Variants in RASSF8 observed in about 807,000 individuals in gnomAD.
RASSF8 encodes the protein ras association domain-containing protein 8.
In RASSF8, 22 loss-of-function variants were observed where a neutral mutation model predicts 48.5. The observed-to-expected ratio is 0.45, with a 90% CI of 0.32 to 0.65. The LOEUF (loss-of-function observed/expected upper bound fraction) is 0.65, where lower values mean the gene tolerates loss of function less well. Among genes scored for constraint, RASSF8 ranks in the 30% least tolerant of loss-of-function variants. The pLI, the probability that RASSF8 is intolerant of heterozygous loss-of-function variation, is 0.03. For synonymous variants in RASSF8, 127 were observed against 171.5 expected, an observed-to-expected ratio of 0.74 and a Z score of 2.03; for missense variants, 418 against 489.2, an observed-to-expected ratio of 0.85 and a Z score of 1.37.
intron 1 of RASSF8, among the ~76,000 whole-genome samples, chr12:25,982,389 A>T (rs535961328): frequency 6.6e-6 from 1 of 152,356 alleles, no homozygotes; most frequent in Non-Finnish European, 1.5e-5. Context: ...GTTTTAGTTG[A>T]ACAGAAGCTC....
At chr12:25,983,984 A>T (rs759646041) in intron 1 of RASSF8, among the ~76,000 whole-genome samples, 17 of 152,244 alleles carry the variant, frequency 1.1e-4, no homozygotes, top group Non-Finnish European at 1.9e-4. Context: ...GATTTTATGT[A>T]GTATGATTCC....
intron 1 of RASSF8, among the ~76,000 whole-genome samples, chr12:25,994,276 TTTAAA>T (rs938687107): frequency 7.1e-4 from 22 of 30,940 alleles, no homozygotes; most frequent in African/African-American, 1.6e-3. Context: ...TGGATAGATT[TTTAAA>T]AAAAAAAAAA....
intron 2 of RASSF8, among the ~76,000 whole-genome samples, chr12:26,003,905 G>A (rs138801502): frequency 1.4e-4 from 22 of 152,198 alleles, no homozygotes; most frequent in East Asian, 5.8e-4. Flanking sequence ...GGCCAGGTGC[G>A]GTGGCTCATG....
intron 3 of RASSF8, among the ~76,000 whole-genome samples, chr12:26,060,754 A>G (rs980313900): frequency 4.6e-5 from 7 of 152,204 alleles, no homozygotes; most frequent in Non-Finnish European, 1.0e-4. Flanking sequence ...ATAGCTCAAG[A>G]AGCAAAATAT....
Position 26,070,154 on chromosome 12 carries a change from A to C in RASSF8, c.*1336A>C. ...AAGACTTTAATCTGAAATTTAAAGTAGTTTTAATTCTGAAGAAGTTACATC... is the reference window on the plus strand; with the variant it reads ...AAGACTTTAATCTGAAATTTAAAGTCGTTTTAATTCTGAAGAAGTTACATC... On this transcript the variant is annotated 3_prime_UTR_variant, in exon 6 of 6. Coordinates refer to ENST00000689635, the MANE Select transcript of RASSF8 (RefSeq NM_001394098.1). The C allele has an allele frequency of 1.0e-6, 1 of 963,834 alleles. No individual in the cohort carries two copies. The highest frequency in any genetic ancestry group is 1.8e-5 in the African/African-American group (1 of 56,844). The allele number at this position is 963,834 out of a possible 1,614,324, so 59.7% of individuals were successfully genotyped here. A position where few individuals can be genotyped will look rare whatever the true frequency, so the allele number is the denominator to read the frequency against.
chr12:26,075,185 A>G (rs117334962), downstream of RASSF8, among the ~76,000 whole-genome samples: 2,132 of 152,320 alleles, frequency 0.014, 17 homozygotes, highest in Middle Eastern at 0.037. Context: ...TAAGTAGACA[A>G]TAAGAATCAA....
intron 2 of RASSF8, among the ~76,000 whole-genome samples, chr12:26,048,187 G>A (rs1565635728): frequency 6.6e-6 from 1 of 152,230 alleles, no homozygotes. Context: ...AGCACTCACT[G>A]TGCACTGTGC....
At chr12:25,977,917 A>T (rs754152490) in intron 1 of RASSF8, among the ~76,000 whole-genome samples, 14 of 152,340 alleles carry the variant, frequency 9.2e-5, no homozygotes, top group Middle Eastern at 3.4e-3. Context: ...TCAAAAGAGC[A>T]GTCACTGAAG....
intron 2 of RASSF8, among the ~76,000 whole-genome samples, chr12:26,003,189 GT>G (rs1565613381): frequency 2.0e-5 from 3 of 152,078 alleles, no homozygotes; most frequent in Non-Finnish European, 4.4e-5. Context: ...ATCAAATGCT[GT>G]TTCTGTGTCT....
At chr12:26,004,636 TAAGG>T (rs981275563) in intron 2 of RASSF8, among the ~76,000 whole-genome samples, 3 of 152,142 alleles carry the variant, frequency 2.0e-5, no homozygotes, top group South Asian at 2.1e-4. Flanking sequence ...AAGAAAATCT[TAAGG>T]AAGAGAAAAT....
rs538413426 is a variant in RASSF8 at position 26,045,376 on chromosome 12, A to G, written c.-108-9860A>G. Among the ~76,000 whole-genome samples, 7 of 152,332 alleles carry G rather than the reference A, an allele frequency of 4.6e-5. No homozygotes were observed. The East Asian group carries it at 1.2e-3, about 25-fold the overall frequency. The stretch of plus-strand genomic sequence containing the variant: ...TTAAATTTTAACATTGAAGTCCAAT[A>G]GAAGTTTTGTAGTCTAGCAGCCACT... On this transcript the variant is annotated intron_variant, in intron 2 of 5. Transcript: ENST00000689635.
chr12:25,985,804 T>C (rs1941859651), intron 1 of RASSF8, among the ~76,000 whole-genome samples: 2 of 149,798 alleles, frequency 1.3e-5, no homozygotes, highest in South Asian at 4.2e-4. Context: ...CTAAAGGCAG[T>C]GTGTGGTGTG....
At chr12:26,067,534 T>C (rs1943902805) in intron 4 of RASSF8, 35 bp from the exon 5 acceptor site, 1 of 1,556,840 alleles carries the variant, frequency 6.4e-7, no homozygotes. Flanking sequence ...CAGTAGTGAA[T>C]CCTCAAATTT....
chr12:26,035,404 T>C (rs142149716), intron 2 of RASSF8, among the ~76,000 whole-genome samples: 7,973 of 136,860 alleles, frequency 0.058, 334 homozygotes, highest in African/African-American at 0.13. Context: ...TATGAAATTA[T>C]ATAATTATAT....
intron 1 of RASSF8, among the ~76,000 whole-genome samples, chr12:25,983,808 C>CAA (rs1400735528): frequency 6.6e-6 from 1 of 152,082 alleles, no homozygotes; most frequent in Admixed American, 6.5e-5. Context: ...AAATAGTGAA[C>CAA]AACCAGTACA....
chr12:26,051,238 C>T (rs1451408174), intron 2 of RASSF8, among the ~76,000 whole-genome samples: 1 of 152,138 alleles, frequency 6.6e-6, no homozygotes, highest in Non-Finnish European at 1.5e-5. Flanking sequence ...TGGTGCCTAA[C>T]ATGTAATAAG....
At chr12:25,985,027 C>G (rs1167782641) in intron 1 of RASSF8, among the ~76,000 whole-genome samples, 1 of 152,142 alleles carries the variant, frequency 6.6e-6, no homozygotes, top group African/African-American at 2.4e-5. Context: ...CCACCCTGGT[C>G]TTGAGCCTTT....
chr12:26,067,788 A>G, intron 5 of RASSF8, 75 bp downstream of exon 5: 1 of 1,571,414 alleles, frequency 6.4e-7, no homozygotes, highest in South Asian at 1.1e-5. Context: ...GTTTTTTGAG[A>G]TAGTATCACT....
intron 2 of RASSF8, among the ~76,000 whole-genome samples, chr12:26,031,976 A>G (rs186031919): frequency 6.6e-6 from 1 of 152,302 alleles, no homozygotes; most frequent in East Asian, 1.9e-4. Flanking sequence ...TTTGGTTTAC[A>G]TTTATGTGCA....
Sources: gnomAD v4.1 joint callset for allele counts (sites outside exome capture counted in the v4.1 genomes callset) on GRCh38, gnomAD v4.1.1 for gene constraint, MANE v1.5 for transcripts, NCBI Gene and HGNC (gene_info 2026-07-23, HGNC 2026-07-21) for gene names.